The following DSTYK variants were observed in gnomAD, a reference collection of about 807,000 sequenced individuals.
DSTYK encodes dual serine/threonine and tyrosine protein kinase.
In DSTYK, 34 loss-of-function variants were observed where a neutral mutation model predicts 98.7. The observed-to-expected ratio is 0.34, with a 90% CI of 0.26 to 0.46. The LOEUF (loss-of-function observed/expected upper bound fraction) is 0.46. Among genes scored for constraint, DSTYK ranks in the 20% least tolerant of loss-of-function variants. The pLI is 1.00. For missense variants in DSTYK, 962 were observed against 1,181.7 expected (o/e 0.81, Z 2.73); for synonymous variants, 462 against 457.3 (o/e 1.01, Z -0.13).
At position 205,177,750 on chromosome 1, in the gene DSTYK, C is replaced by T. The variant is rs542285214; in HGVS notation, c.655-7918G>A. The stretch of plus-strand genomic sequence containing the variant: ...GGCATGGTGGCAGGCACCTGTAATC[C>T]CAGTTACTCAGGAGGCTGAGGCAGG... On this transcript the variant is annotated intron_variant, in intron 2 of 12. Transcript: ENST00000367162. Among the ~76,000 whole-genome samples the T allele has an allele frequency of 3.9e-5, 6 of 151,964 alleles. No homozygotes were observed. The South Asian group carries it at 1.2e-3, about 32-fold the overall frequency.
At chr1:205,172,697 C>G (rs1449010482) in intron 2 of DSTYK, among the ~76,000 whole-genome samples, 1 of 152,146 alleles carries the variant, frequency 6.6e-6, no homozygotes, top group East Asian at 1.9e-4. Flanking sequence ...GCTATATTCT[C>G]AGATAGGTCA....
At chr1:205,193,332 G>A (rs1383731183) in intron 1 of DSTYK, among the ~76,000 whole-genome samples, 5 of 152,082 alleles carry the variant, frequency 3.3e-5, no homozygotes, top group Non-Finnish European at 7.4e-5. Flanking sequence ...TGTTTTTGGG[G>A]TAATGTCAAT....
intron 3 of DSTYK, among the ~76,000 whole-genome samples, chr1:205,166,027 A>AT (rs1172001258): frequency 3.3e-5 from 5 of 152,094 alleles, no homozygotes; most frequent in East Asian, 1.9e-4. Flanking sequence ...GTCTCAAAAA[A>AT]AAATAAATAA....
chr1:205,174,151 G>C (rs1362144005), intron 2 of DSTYK, among the ~76,000 whole-genome samples: 1 of 152,074 alleles, frequency 6.6e-6, no homozygotes, highest in African/African-American at 2.4e-5. Context: ...GGTTGAGGTG[G>C]GCAGATTGCT....
chr1:205,156,153 T>C (rs1657553242), intron 10 of DSTYK, among the ~76,000 whole-genome samples: 1 of 152,200 alleles, frequency 6.6e-6, no homozygotes, highest in Non-Finnish European at 1.5e-5. Context: ...GGAGCCCCCA[T>C]GGAGAACCTT....
At chr1:205,148,081 T>C (rs1657296147) in intron 12 of DSTYK, 124 bp downstream of exon 12, 1 of 1,175,276 alleles carries the variant, frequency 8.5e-7, no homozygotes, top group Admixed American at 2.3e-5. Context: ...CATGACAGTT[T>C]AAACGTATCT....
rs1410915636 is a variant in DSTYK at position 205,150,126 on chromosome 1, T to C, written c.2467+554A>G. Among the ~76,000 whole-genome samples the C allele has an allele frequency of 6.6e-6, 1 of 152,172 alleles. No individual in the cohort carries two copies. Among genetic ancestry groups the C allele is most frequent in the Non-Finnish European group, 1.5e-5 (1 of 68,038 alleles). On this transcript the variant is annotated intron_variant, in intron 11 of 12. Transcript: ENST00000367162. This position sits in a 1 kb window ranked among gnomAD's most constrained non-coding sequence, Gnocchi z 4.1. ...CCCATACTGCTTAGGTCAAGGTATA[T>C]ACTTAATAAATGAGTTCCCTTCTCA...
intron 2 of DSTYK, among the ~76,000 whole-genome samples, chr1:205,171,406 G>A (rs1045457360): frequency 2.7e-5 from 4 of 146,800 alleles, no homozygotes; most frequent in South Asian, 4.3e-4. Context: ...AGCTGAGATC[G>A]CCCCACTGCA....
intron 11 of DSTYK, among the ~76,000 whole-genome samples, chr1:205,148,903 G>A (rs1216657191): frequency 7.4e-6 from 1 of 135,740 alleles, no homozygotes; most frequent in South Asian, 2.4e-4. Context: ...ATTAGAAAGT[G>A]TTTTTTTTTT....
At chr1:205,148,085 C>G in intron 12 of DSTYK, 120 bp downstream of exon 12, 1 of 1,204,986 alleles carries the variant, frequency 8.3e-7, no homozygotes, top group South Asian at 1.5e-5. Flanking sequence ...ACAGTTTAAA[C>G]GTATCTACGG....
intron 2 of DSTYK, among the ~76,000 whole-genome samples, chr1:205,179,069 C>T (rs1658316903): frequency 6.6e-6 from 1 of 151,440 alleles, no homozygotes; most frequent in Middle Eastern, 3.4e-3. Flanking sequence ...GTTGAGGCTG[C>T]AGTGAGCCAA....
chr1:205,174,878 CAGGCATG>C (rs1658182703), intron 2 of DSTYK, among the ~76,000 whole-genome samples: 1 of 149,638 alleles, frequency 6.7e-6, no homozygotes, highest in Non-Finnish European at 1.5e-5. Context: ...GCTGGGATTA[CAGGCATG>C]CGCCACCACG....
At chr1:205,160,334 G>C in intron 7 of DSTYK, 64 bp from the exon 8 acceptor site, 1 of 1,347,490 alleles carries the variant, frequency 7.4e-7, no homozygotes, top group Non-Finnish European at 1.0e-6. Flanking sequence ...ACCTCTGTAA[G>C]ATTCTTTTTT....
chr1:205,188,763 C>T (rs1658628578), intron 1 of DSTYK, among the ~76,000 whole-genome samples: 1 of 152,160 alleles, frequency 6.6e-6, no homozygotes, highest in African/African-American at 2.4e-5. Flanking sequence ...TTTTCCAGTT[C>T]ATCTCTCTGA....
rs543550172 is a variant in DSTYK at position 205,211,337 on chromosome 1, G to T, written c.199C>A (p.Leu67Ile). The stretch of plus-strand genomic sequence containing the variant: ...CGCTCGGCCCCGCCGCCGCCCGTGA[G>T]GGAGGAGAGACAAGTGTGGTTGTGG... ...CSHNHTCLSS[L>I]TGGGGAERGP... The change falls in exon 1 of 13, where the codon CTC (leucine) becomes ATC (isoleucine). Residue 67 changes from leucine (L) to isoleucine (I), a missense_variant. Around this residue, in one of 4 missense-constraint regions of DSTYK, gnomAD observed 168 missense variants for 120.0 expected, o/e 1.40. Transcript: ENST00000367162. 1 of 1,611,804 alleles carries T rather than the reference G, an allele frequency of 6.2e-7. No individual in the cohort carries two copies. The highest frequency in any genetic ancestry group is 2.2e-5 in the East Asian group (1 of 44,736).
intron 2 of DSTYK, among the ~76,000 whole-genome samples, chr1:205,171,277 C>T (rs1175271239): frequency 6.6e-6 from 1 of 151,682 alleles, no homozygotes; most frequent in African/African-American, 2.4e-5. Context: ...ATGGCAAAAC[C>T]CCATCTGTAC....
intron 1 of DSTYK, among the ~76,000 whole-genome samples, chr1:205,196,778 T>C (rs1658879067): frequency 6.7e-6 from 1 of 149,994 alleles, no homozygotes; most frequent in Non-Finnish European, 1.5e-5. Flanking sequence ...TTTTTTTTTT[T>C]TTTGAGATGG....
At chr1:205,207,755 CAAAAAAAAAAAAAAAA>C (rs766036213) in intron 1 of DSTYK, among the ~76,000 whole-genome samples, 167 of 52,710 alleles carry the variant, frequency 3.2e-3, no homozygotes, top group African/African-American at 0.016. Context: ...GACTCTGTCT[CAAAAAAAAAAAAAAAA>C]AAAAAAAAAA....
Position 205,187,626 on chromosome 1 carries a change from T to G in DSTYK, c.446A>C (p.Lys149Thr). Residue 149 changes from lysine (K) to threonine (T), a missense_variant, in exon 2 of 13, where the codon AAG becomes ACG. Physicochemically the swap from Lys to Thr is moderately conservative, Grantham distance 78. Around this residue, in one of 4 missense-constraint regions of DSTYK, gnomAD observed 660 missense variants for 855.0 expected, o/e 0.77. Coordinates refer to ENST00000367162, the MANE Select transcript of DSTYK (RefSeq NM_015375.3). The part of the protein sequence containing the change: ...TTKLGSEESC[K>T]LRRLRFTYGT... ...ATAGGTGAAGCGGAGGCGCCGAAGCTTACAGCTCTCCTCACTGCCCAGCTT... is the reference window on the plus strand; with the variant it reads ...ATAGGTGAAGCGGAGGCGCCGAAGCGTACAGCTCTCCTCACTGCCCAGCTT... 1 of 1,614,116 alleles carries G rather than the reference T, an allele frequency of 6.2e-7. No homozygotes were observed. Among genetic ancestry groups the G allele is most frequent in the Non-Finnish European group, 8.5e-7 (1 of 1,180,018 alleles).
Sources: gnomAD v4.1 joint callset for allele counts (sites outside exome capture counted in the v4.1 genomes callset) on GRCh38, gnomAD v4.1.1 for gene constraint, gnomAD v4.1.1 regional missense constraint, Gnocchi (gnomAD v3.1) non-coding constraint, MANE v1.5 for transcripts, NCBI Gene and HGNC (gene_info 2026-07-23, HGNC 2026-07-21) for gene names.